Variants in DLL4 observed in about 807,000 individuals in gnomAD.
DLL4 encodes the protein delta-like protein 4.
DLL4 carries 7 observed loss-of-function variants against 73.6 expected under a neutral mutation model. That is an observed-to-expected ratio of 0.10 (90% CI 0.05 to 0.18). DLL4 has a LOEUF of 0.18. DLL4 is among the 10% of genes least tolerant of loss of function. DLL4 has a pLI of 1.00. For synonymous variants in DLL4, 345 were observed against 374.3 expected (o/e 0.92, Z 0.90); for missense variants, 614 against 929.9 (o/e 0.66, Z 4.42).
Position 40,936,355 on chromosome 15 carries a change from T to C in DLL4, c.1368T>C (p.His456=), listed in dbSNP as rs1416995446. ...CTTGCGCCCACGGTGGCACTTGCCA[T>C]GACCTGGAGAATGGGCTCATGTGCA... ...RNPCAHGGTC[H]DLENGLMCTC... The change falls in exon 9 of 11, where the codon CAT becomes CAC. Residue 456 remains histidine, a synonymous_variant. Transcript: ENST00000249749. 3 of 1,611,072 alleles carry C rather than the reference T, an allele frequency of 1.9e-6. No homozygotes were observed. The highest frequency in any genetic ancestry group is 2.5e-6 in the Non-Finnish European group (3 of 1,178,940).
intron 8 of DLL4, among the ~76,000 whole-genome samples, chr15:40,935,984 A>G (rs1054630600): frequency 6.6e-6 from 1 of 152,200 alleles, no homozygotes; most frequent in African/African-American, 2.4e-5. Flanking sequence ...ACTCAAGCCT[A>G]TCTGTCTGAT....
intron 7 of DLL4, 27 bp downstream of exon 7, chr15:40,934,744 CAG>C (rs1333552299): frequency 6.2e-7 from 1 of 1,606,888 alleles, no homozygotes; most frequent in Admixed American, 1.7e-5. Context: ...CGCAGGAAGA[CAG>C]AGGTGTCAGG....
chr15:40,937,470 T>G lies in DLL4; in HGVS notation c.1996T>G (p.Tyr666Asp). The G allele has an allele frequency of 1.2e-6, 2 of 1,613,922 alleles. No homozygotes were observed. Reference sequence around the variant, plus strand: ...GATATGCTCCCCCAGGGACTCCATGTACCAGTCTGTGTGTTTGATATCAGA... The same window carrying G: ...GATATGCTCCCCCAGGGACTCCATGGACCAGTCTGTGTGTTTGATATCAGA... Reference protein sequence around the residue: ...SAICSPRDSMYQSVCLISEER... With the variant: ...SAICSPRDSMDQSVCLISEER... The change falls in exon 10 of 11, where the codon TAC becomes GAC. Residue 666 changes from tyrosine to aspartate, a missense_variant. This residue lies in a region of DLL4 where 386 missense variants were observed against 541.3 expected (regional missense o/e 0.71). Transcript: ENST00000249749.
Position 40,929,481 on chromosome 15 carries a change from G to A in DLL4, c.-188G>A. ...GCGTCCTCGGCGCGGTCGCCGCCCA[G>A]CCGTAGTCACCTGGATTACCTACAG... On this transcript the variant is annotated 5_prime_UTR_variant, in exon 1 of 11. Coordinates refer to ENST00000249749, the MANE Select transcript of DLL4 (RefSeq NM_019074.4). The surrounding 1 kb of genome is among the most constrained non-coding windows in gnomAD (Gnocchi z 7.1). The A allele has an allele frequency of 3.4e-6, 2 of 588,034 alleles. No homozygotes were observed. Among genetic ancestry groups the A allele is most frequent in the Non-Finnish European group, 5.7e-6 (2 of 348,388 alleles). 36.4% of individuals were successfully genotyped at this position (588,034 alleles called of 1,614,324 possible).
Position 40,932,311 on chromosome 15 carries a change from C to A in DLL4, c.720-6C>A, listed in dbSNP as rs1431200907. 20 of 1,614,014 alleles carry A rather than the reference C, an allele frequency of 1.2e-5. No homozygotes were observed. Among genetic ancestry groups the A allele is most frequent in the Non-Finnish European group, 1.7e-5 (20 of 1,179,892 alleles). On this transcript the variant is annotated splice_region_variant and splice_polypyrimidine_tract_variant and intron_variant, in intron 5 of 10. Transcript: ENST00000249749. ...CACCTCACTCTGCCTCTCTCTTGTT[C>A]CCCAGCTGCCGCCCAGGCTGGCAGG...
chr15:40,931,416 T>C, intron 3 of DLL4, 87 bp from the exon 4 acceptor site: 2 of 1,443,334 alleles, frequency 1.4e-6, no homozygotes, highest in South Asian at 2.6e-5. Flanking sequence ...ATCACCATCA[T>C]CACAGCCAAG....
At chr15:40,934,784 AG>A (rs1333040280) in intron 7 of DLL4, 67 bp downstream of exon 7, 8 of 1,590,048 alleles carry the variant, frequency 5.0e-6, no homozygotes, top group Non-Finnish European at 4.3e-6. Flanking sequence ...TAACCTAGGC[AG>A]TTAGTGGATG....
In DLL4 at chr15:40,932,241, G is replaced by C. The variant is rs1160643735; in HGVS notation, c.719+10G>C. The C allele has an allele frequency of 3.1e-6, 5 of 1,613,924 alleles. No individual in the cohort carries two copies. The highest frequency in any genetic ancestry group is 1.3e-5 in the African/African-American group (1 of 74,950). ...AGCCAGCAGAGTGCCTGTGAGTAGG[G>C]GACAGGAAGTGGTGAGTGGGAGCCC... On this transcript the variant is annotated intron_variant, in intron 5 of 10. Coordinates refer to ENST00000249749, the MANE Select transcript of DLL4 (RefSeq NM_019074.4).
Position 40,929,757 on chromosome 15 carries a change from C to T in DLL4, c.66+23C>T, listed in dbSNP as rs774055759. On this transcript the variant is annotated intron_variant, in intron 1 of 10. Transcript: ENST00000249749. This position sits in a 1 kb window ranked among gnomAD's most constrained non-coding sequence, Gnocchi z 7.1. The stretch of plus-strand genomic sequence containing the variant: ...CAGGTAACACGTCCCGCGCCCTCTC[C>T]GTCCCCTCTGCCGCGCTCTGGGCCT... 6.2e-7 allele frequency: 1 copy of T among 1,600,554 alleles called. No individual in the cohort carries two copies. Among genetic ancestry groups the T allele is most frequent in the South Asian group, 1.1e-5 (1 of 89,808 alleles).
chr15:40,937,447 T>C lies in DLL4; in HGVS notation c.1973T>C (p.Ile658Thr), dbSNP rs549984306. 72 of 1,613,784 alleles carry C rather than the reference T, an allele frequency of 4.5e-5. No homozygotes were observed. Among genetic ancestry groups the C allele is most frequent in the South Asian group, 2.2e-4 (20 of 91,084 alleles). The stretch of plus-strand genomic sequence containing the variant: ...AAGCCAGAGTGTCGGATATCAGCGA[T>C]ATGCTCCCCCAGGGACTCCATGTAC... ...SEKPECRISA[I>T]CSPRDSMYQS... The change falls in exon 10 of 11, where the codon ATA becomes ACA. Residue 658 changes from isoleucine (I) to threonine (T), a missense_variant. Ile to Thr is a moderately conservative substitution (Grantham distance 89). Transcript: ENST00000249749.
chr15:40,937,565 G>T (rs761718090), intron 10 of DLL4, 39 bp downstream of exon 10: 6 of 1,443,960 alleles, frequency 4.2e-6, no homozygotes. Flanking sequence ...CCTTTTGTGG[G>T]AGGGAAAGTG....
chr15:40,932,074 C>G, intron 4 of DLL4, 97 bp from the exon 5 acceptor site: 1 of 1,421,066 alleles, frequency 7.0e-7, no homozygotes, highest in East Asian at 2.3e-5. Context: ...GGAAGAGGGC[C>G]CAGGAGAGCT....
Position 40,936,823 on chromosome 15 carries a change from A to G in DLL4, c.1836A>G (p.Thr612=), listed in dbSNP as rs757866420. 6.2e-7 allele frequency: 1 copy of G among 1,613,606 alleles called. No individual in the cohort carries two copies. The highest frequency in any genetic ancestry group is 1.7e-5 in the Admixed American group (1 of 60,024). The change falls in exon 9 of 11, where the codon ACA becomes ACG. Residue 612 remains threonine, a synonymous_variant. Coordinates refer to ENST00000249749, the MANE Select transcript of DLL4 (RefSeq NM_019074.4). ...KSNCGKQQNH[T]LDYNLAPGPL... ...ACTGTGGCAAACAGCAAAACCACACATTGGACTATAATCTGGCCCCAGGGC... is the reference window on the plus strand; with the variant it reads ...ACTGTGGCAAACAGCAAAACCACACGTTGGACTATAATCTGGCCCCAGGGC...
At position 40,938,026 on chromosome 15, in the gene DLL4, C is replaced by T. The variant is rs1336820287; in HGVS notation, c.2053-3C>T. The T allele has an allele frequency of 1.1e-5, 17 of 1,598,422 alleles. No individual in the cohort carries two copies. The highest frequency in any genetic ancestry group is 4.5e-5 in the East Asian group (2 of 44,290). On this transcript the variant is annotated splice_region_variant and splice_polypyrimidine_tract_variant and intron_variant, in intron 10 of 10. Transcript: ENST00000249749. The stretch of plus-strand genomic sequence containing the variant: ...TGTTTCCCTGCCTTCCGCTTGCTCC[C>T]AGGTATAAGGCAGGAGCCTACCTGG...
At position 40,930,985 on chromosome 15, in the gene DLL4, C is replaced by T. The variant is rs367692346; in HGVS notation, c.394+303C>T. 3.9e-6 allele frequency: 2 copies of T among 514,102 alleles called. No homozygotes were observed. The highest frequency in any genetic ancestry group is 3.8e-5 in the African/African-American group (2 of 52,030). The allele number at this position is 514,102 out of a possible 1,614,324, so 31.8% of individuals were successfully genotyped here. A position where few individuals can be genotyped will look rare whatever the true frequency, so the allele number is the denominator to read the frequency against. Reference sequence around the variant, plus strand: ...TTTTACACCTTTCGCGAATTCCGCTCCTTTGGAAAGGGAATAATGGCTTTG... The same window carrying T: ...TTTTACACCTTTCGCGAATTCCGCTTCTTTGGAAAGGGAATAATGGCTTTG... On this transcript the variant is annotated intron_variant, in intron 3 of 10. Coordinates refer to ENST00000249749, the MANE Select transcript of DLL4 (RefSeq NM_019074.4). This position sits in a 1 kb window ranked among gnomAD's most constrained non-coding sequence, Gnocchi z 5.7.
Position 40,930,428 on chromosome 15 carries a change from C to T in DLL4, c.337-197C>T. On this transcript the variant is annotated intron_variant, in intron 2 of 10. Transcript: ENST00000249749. The surrounding 1 kb of genome is among the most constrained non-coding windows in gnomAD (Gnocchi z 5.7). Reference sequence around the variant, plus strand: ...CTCTCCCTTACACTCTCCCGTCTCTCAACCCTCCCTCTACCGGGGGTTCTC... The same window carrying T: ...CTCTCCCTTACACTCTCCCGTCTCTTAACCCTCCCTCTACCGGGGGTTCTC... 1.5e-6 allele frequency: 1 copy of T among 653,116 alleles called. No homozygotes were observed. Among genetic ancestry groups the T allele is most frequent in the Non-Finnish European group, 2.8e-6 (1 of 362,026 alleles). The allele number at this position is 653,116 out of a possible 1,614,324, so 40.5% of individuals were successfully genotyped here.
rs771925158 is a variant in DLL4, at chr15:40,936,644, C to T, written c.1657C>T (p.Arg553Trp). The change falls in exon 9 of 11, where the codon CGG becomes TGG. Residue 553 changes from arginine to tryptophan, a missense_variant. By Grantham distance (101) the Arg-to-Trp change is moderately radical. Transcript: ENST00000249749. ...GCTGGGCATGGTGGCAGTGGCTGTG[C>T]GGCAGCTGCGGCTTCGACGGCCGGA... ...VLLGMVAVAV[R>W]QLRLRRPDDG... 2.4e-5 allele frequency: 38 copies of T among 1,610,150 alleles called. No homozygotes were observed. The highest frequency in any genetic ancestry group is 3.3e-5 in the Admixed American group (2 of 59,728).
intron 6 of DLL4, among the ~76,000 whole-genome samples, chr15:40,932,887 T>C (rs1345807671): frequency 6.6e-6 from 1 of 152,228 alleles, no homozygotes; most frequent in African/African-American, 2.4e-5. Context: ...CACCTGAGGC[T>C]GTGGGTGAGC....
rs775751614 is a variant in DLL4 at position 40,936,545 on chromosome 15, C to A, written c.1558C>A (p.Pro520Thr). The change falls in exon 9 of 11, where the codon CCC becomes ACC. Residue 520 changes from proline (P) to threonine (T), a missense_variant. Transcript: ENST00000249749. The part of the protein sequence containing the change: ...YGFVGSRCEF[P>T]VGLPPSFPWV... Reference sequence around the variant, plus strand: ...CTTTGTGGGCAGCCGCTGCGAGTTCCCCGTGGGCTTGCCGCCCAGCTTCCC... The same window carrying A: ...CTTTGTGGGCAGCCGCTGCGAGTTCACCGTGGGCTTGCCGCCCAGCTTCCC... 3.7e-6 allele frequency: 6 copies of A among 1,610,492 alleles called. No individual in the cohort carries two copies. The highest frequency in any genetic ancestry group is 4.2e-6 in the Non-Finnish European group (5 of 1,179,022).
Sources: allele counts gnomAD v4.1 joint callset (sites outside exome capture counted in the v4.1 genomes callset), GRCh38; gene constraint gnomAD v4.1.1; regional missense constraint gnomAD v4.1.1; non-coding constraint Gnocchi (gnomAD v3.1); transcripts MANE v1.5; gene names NCBI Gene and HGNC (gene_info 2026-07-23, HGNC 2026-07-21).